The following PTPRD variants were observed in gnomAD, a reference collection of about 807,000 sequenced individuals.
PTPRD encodes the protein protein tyrosine phosphatase receptor type D.
In PTPRD, 34 loss-of-function variants were observed where a neutral mutation model predicts 214.5. The observed-to-expected ratio is 0.16, with a 90% confidence interval of 0.12 to 0.21. The LOEUF is 0.21. Among genes scored for constraint, PTPRD ranks in the 10% least tolerant of loss-of-function variants. The pLI, the probability that PTPRD is intolerant of heterozygous loss-of-function variation, is 1.00. For missense variants in PTPRD, 2,545 were observed against 2,398.7 expected (o/e 1.06, Z -1.27); for synonymous variants, 1,128 against 845.7 (o/e 1.33, Z -5.79).
At chr9:9,748,575 A>T (rs1206932518) in intron 6 of PTPRD, among the ~76,000 whole-genome samples, 2 of 152,224 alleles carry the variant, frequency 1.3e-5, no homozygotes, top group Non-Finnish European at 2.9e-5. Context: ...GTTTACCTCA[A>T]TGAGGAGGAG....
chr9:9,519,365 CA>C (rs61267384), intron 8 of PTPRD, among the ~76,000 whole-genome samples: 148,633 of 151,496 alleles, frequency 0.98, 72,973 homozygotes, highest in Middle Eastern at 1. Flanking sequence ...ATAAATGAAA[CA>C]AAAAAAACCA....
At chr9:9,275,122 TA>T (rs1944750948) in intron 9 of PTPRD, among the ~76,000 whole-genome samples, 1 of 57,874 alleles carries the variant, frequency 1.7e-5, no homozygotes, top group Non-Finnish European at 3.1e-5. Context: ...ATATATATTA[TA>T]TATATTATAT....
chr9:10,069,765 A>G (rs1357162195), intron 3 of PTPRD, among the ~76,000 whole-genome samples: 1 of 152,058 alleles, frequency 6.6e-6, no homozygotes, highest in Admixed American at 6.6e-5. Context: ...CAGAAGTCAT[A>G]CACTTTGACA....
chr9:9,959,274 T>G (rs1203747944), intron 4 of PTPRD, among the ~76,000 whole-genome samples: 1 of 152,184 alleles, frequency 6.6e-6, no homozygotes, highest in Non-Finnish European at 1.5e-5. Context: ...CAATTATATA[T>G]TATTCTAGAA....
chr9:10,512,499 C>T (rs917714705), intron 2 of PTPRD, among the ~76,000 whole-genome samples: 2 of 151,948 alleles, frequency 1.3e-5, no homozygotes, highest in Admixed American at 6.6e-5. Context: ...CATAAGTATG[C>T]GGTGGTGGGT....
intron 21 of PTPRD, among the ~76,000 whole-genome samples, chr9:8,515,342 T>A (rs922351378): frequency 6.6e-6 from 1 of 152,226 alleles, no homozygotes; most frequent in Non-Finnish European, 1.5e-5. Context: ...TAGCTACTAT[T>A]ATGATGATTA....
intron 3 of PTPRD, among the ~76,000 whole-genome samples, chr9:10,114,729 AT>A (rs2098717027): frequency 6.6e-6 from 1 of 152,104 alleles, no homozygotes; most frequent in African/African-American, 2.4e-5. Flanking sequence ...CACATGTAAT[AT>A]AGCTAACCTT....
At chr9:9,220,609 T>C (rs930052559) in intron 9 of PTPRD, among the ~76,000 whole-genome samples, 1 of 152,102 alleles carries the variant, frequency 6.6e-6, no homozygotes, top group African/African-American at 2.4e-5. Context: ...TGAAGTGCTT[T>C]GAATAGACAT....
At chr9:9,670,540 G>C (rs2096808098) in intron 7 of PTPRD, among the ~76,000 whole-genome samples, 2 of 152,218 alleles carry the variant, frequency 1.3e-5, no homozygotes, top group South Asian at 4.1e-4. Flanking sequence ...GGGAATATTA[G>C]AGGTCTTCAT....
rs1442455897 is a variant in PTPRD, at chr9:10,137,557, C to T, written c.-544-103767G>A. On this transcript the variant is annotated intron_variant, in intron 3 of 45. Transcript: ENST00000381196. ...CACACTCTGGGGACTGTGGTGGCGT[C>T]GGGGGAGGGGGGAGGGATAGCACTG... 8.2e-4 allele frequency among the ~76,000 whole-genome samples: 66 copies of T among 80,378 alleles called. 2 individuals are homozygous for T. Among genetic ancestry groups the T allele is most frequent in the Non-Finnish European group, 1.2e-3 (51 of 43,618 alleles). The allele number at this position is 80,378 out of a possible 152,430, so 52.7% of individuals were successfully genotyped here.
At chr9:8,703,227 T>A (rs1460008068) in intron 12 of PTPRD, among the ~76,000 whole-genome samples, 2 of 152,170 alleles carry the variant, frequency 1.3e-5, no homozygotes, top group Non-Finnish European at 2.9e-5. Flanking sequence ...AGCAGGAAAG[T>A]GAAGAAATAT....
At chr9:8,982,400 C>G (rs770626729) in intron 11 of PTPRD, among the ~76,000 whole-genome samples, 38 of 151,834 alleles carry the variant, frequency 2.5e-4, no homozygotes, top group Non-Finnish European at 5.2e-4. Context: ...TCTCTGTTTT[C>G]CCAACAAGAA....
chr9:9,224,760 A>G (rs1421040050), intron 9 of PTPRD, among the ~76,000 whole-genome samples: 1 of 151,946 alleles, frequency 6.6e-6, no homozygotes, highest in African/African-American at 2.4e-5. Flanking sequence ...TGAAGAAAGT[A>G]CATCATTGTT....
chr9:10,143,727 A>T (rs1338007244), intron 3 of PTPRD, among the ~76,000 whole-genome samples: 1 of 152,024 alleles, frequency 6.6e-6, no homozygotes, highest in Admixed American at 6.6e-5. Context: ...ATGCAGCCAT[A>T]AAAAAATGAA....
chr9:9,420,947 A>T lies in PTPRD; in HGVS notation c.-236-23465T>A, dbSNP rs191513475. On this transcript the variant is annotated intron_variant, in intron 8 of 45. Transcript: ENST00000381196. Reference sequence around the variant, plus strand: ...TTTTCTCAGTGGTATAATTTTTGTGATATCTCTTCAATATTTTATGCCTTC... The same window carrying T: ...TTTTCTCAGTGGTATAATTTTTGTGTTATCTCTTCAATATTTTATGCCTTC... Among the ~76,000 whole-genome samples, 15 of 152,028 alleles carry T rather than the reference A, an allele frequency of 9.9e-5. No individual in the cohort carries two copies. The East Asian group carries it at 2.1e-3, about 22-fold the overall frequency.
At chr9:9,375,521 G>A (rs902219497) in intron 9 of PTPRD, among the ~76,000 whole-genome samples, 1 of 152,072 alleles carries the variant, frequency 6.6e-6, no homozygotes, top group African/African-American at 2.4e-5. Flanking sequence ...ACTTGAACCT[G>A]GGAGGCGGAG....
At chr9:9,860,661 G>A (rs1217482409) in intron 5 of PTPRD, among the ~76,000 whole-genome samples, 1 of 152,188 alleles carries the variant, frequency 6.6e-6, no homozygotes, top group African/African-American at 2.4e-5. Flanking sequence ...AGATTGAATG[G>A]TGAAGCAGAA....
intron 3 of PTPRD, among the ~76,000 whole-genome samples, chr9:10,049,004 A>G (rs1036262501): frequency 3.9e-5 from 6 of 152,118 alleles, no homozygotes; most frequent in African/African-American, 1.4e-4. Flanking sequence ...CAAGAGCAAA[A>G]GAGAGCTGCA....
chr9:9,738,487 A>T lies in PTPRD; in HGVS notation c.-325-3916T>A, dbSNP rs147870826. ...GAGATGGAGTCTTGCTCTGTCACCC[A>T]GGTTAGAGACCATCAGTGCGATCTT... On this transcript the variant is annotated intron_variant, in intron 6 of 45. Transcript: ENST00000381196. Among the ~76,000 whole-genome samples, 150 of 115,126 alleles carry T rather than the reference A, an allele frequency of 1.3e-3. 1 individual carries two copies. Among genetic ancestry groups the T allele is most frequent in the African/African-American group, 5.0e-3 (137 of 27,132 alleles). 75.5% of individuals were successfully genotyped at this position (115,126 alleles called of 152,430 possible).
Sources: allele counts gnomAD v4.1 joint callset (sites outside exome capture counted in the v4.1 genomes callset), GRCh38; gene constraint gnomAD v4.1.1; transcripts MANE v1.5; gene names NCBI Gene and HGNC (gene_info 2026-07-23, HGNC 2026-07-21).